Variants in NAV2 observed in about 807,000 individuals in gnomAD.
NAV2 encodes neuron navigator 2.
A neutral mutation model predicts 223.2 loss-of-function variants in NAV2; 54 were observed. The observed-to-expected ratio is 0.24, with a 90% CI of 0.19 to 0.30. NAV2 has a LOEUF of 0.30. NAV2 is among the 10% of genes least tolerant of loss of function. The probability of loss-of-function intolerance (pLI) is 1.00; values close to 1 mark genes in which losing one functional copy is unlikely to be tolerated. For synonymous variants in NAV2, 1,279 were observed against 1,239.3 expected (o/e 1.03, Z -0.67); for missense variants, 2,806 against 3,147.5 (o/e 0.89, Z 2.60).
rs1158404872 is a variant in NAV2, at chr11:19,469,921, C to T, written c.75+118894C>T. 5.9e-5 allele frequency among the ~76,000 whole-genome samples: 9 copies of T among 152,362 alleles called. No homozygotes were observed. The South Asian group carries it at 1.9e-3, about 32-fold the overall frequency. ...GAGGAAAGAATGCAAAATAAGGCAG[C>T]CACCTGTGCCTTTTCATTAACACTA... On this transcript the variant is annotated intron_variant, in intron 1 of 37. Coordinates refer to the NAV2 transcript ENST00000360655.
rs374668539 is a variant in NAV2, at chr11:19,875,161, C to T, written c.512-4708C>T. ...GACAAAGTGAGACTCTGTCTCAAAACGAACAAAACTAGATGCAAAAATCTA... is the reference window on the plus strand; with the variant it reads ...GACAAAGTGAGACTCTGTCTCAAAATGAACAAAACTAGATGCAAAAATCTA... On this transcript the variant is annotated intron_variant, in intron 4 of 37. Transcript: ENST00000349880. 2.2e-3 allele frequency among the ~76,000 whole-genome samples: 331 copies of T among 152,220 alleles called. 4 individuals are homozygous for T. Among genetic ancestry groups the T allele is most frequent in the African/African-American group, 7.4e-3 (308 of 41,532 alleles).
At chr11:19,829,537 C>G (rs1207667509) in intron 1 of NAV2, among the ~76,000 whole-genome samples, 1 of 152,186 alleles carries the variant, frequency 6.6e-6, no homozygotes, top group East Asian at 1.9e-4. Flanking sequence ...GAACACTTAG[C>G]ATGTGCCAGA....
intron 26 of NAV2, among the ~76,000 whole-genome samples, chr11:20,089,541 T>G (rs779072947): frequency 6.6e-6 from 1 of 151,948 alleles, no homozygotes; most frequent in Non-Finnish European, 1.5e-5. Context: ...CATTTATTTC[T>G]GCAGAGACCA....
At chr11:19,960,524 G>A (rs761039117) in intron 10 of NAV2, among the ~76,000 whole-genome samples, 61 of 151,962 alleles carry the variant, frequency 4.0e-4, no homozygotes, top group Non-Finnish European at 8.5e-4. Flanking sequence ...TGTGACTTTG[G>A]TGCTCTTGTT....
At chr11:20,026,532 G>A (rs983641316) in intron 11 of NAV2, among the ~76,000 whole-genome samples, 1 of 152,048 alleles carries the variant, frequency 6.6e-6, no homozygotes, top group African/African-American at 2.4e-5. Flanking sequence ...GGATGGTCTC[G>A]ATCTCCTGAC....
intron 6 of NAV2, among the ~76,000 whole-genome samples, chr11:19,903,613 G>A (rs1168600814): frequency 6.6e-6 from 1 of 151,862 alleles, no homozygotes; most frequent in Non-Finnish European, 1.5e-5. Flanking sequence ...TGTGGAGTGG[G>A]GAAGCTATAA....
intron 1 of NAV2, among the ~76,000 whole-genome samples, chr11:19,556,659 C>G (rs1220908241): frequency 6.6e-6 from 1 of 152,042 alleles, no homozygotes; most frequent in Non-Finnish European, 1.5e-5. Context: ...TTTTTAATAC[C>G]TTAAGTAACA....
rs375834538 is a variant in NAV2, at chr11:20,035,929, G to A, written c.2769-30G>A. ...CTGAGCTGGAACAGCCTGAGGTTTT[G>A]GTGCTCAGGATGTGTGTTTGTCTTG... On this transcript the variant is annotated intron_variant, in intron 11 of 37. Transcript: ENST00000349880. 388 of 1,613,604 alleles carry A rather than the reference G, an allele frequency of 2.4e-4. 3 individuals are homozygous for A. In the African/African-American group the frequency reaches 4.7e-3, roughly 20 times the overall value.
At chr11:19,790,635 T>C (rs2057451880) in intron 1 of NAV2, among the ~76,000 whole-genome samples, 1 of 152,170 alleles carries the variant, frequency 6.6e-6, no homozygotes, top group Non-Finnish European at 1.5e-5. Context: ...TCTGTAAGAG[T>C]AACTCTGGTT....
chr11:19,938,537 G>A (rs2046121408), intron 7 of NAV2, among the ~76,000 whole-genome samples: 1 of 152,200 alleles, frequency 6.6e-6, no homozygotes, highest in African/African-American at 2.4e-5. Flanking sequence ...GAAATATCCC[G>A]ATTTTTAAAT....
intron 1 of NAV2, among the ~76,000 whole-genome samples, chr11:19,393,590 C>A (rs1849327424): frequency 6.6e-6 from 1 of 152,202 alleles, no homozygotes; most frequent in African/African-American, 2.4e-5. Context: ...ACAAACAAAC[C>A]TTGACAAAAT....
intron 11 of NAV2, among the ~76,000 whole-genome samples, chr11:20,004,491 A>G (rs2153493029): frequency 6.6e-6 from 1 of 152,316 alleles, no homozygotes; most frequent in African/African-American, 2.4e-5. Context: ...TGGCCAGAGA[A>G]GCCTGGCTTC....
chr11:19,438,739 C>T lies in NAV2; in HGVS notation c.75+87712C>T, dbSNP rs140643147. On this transcript the variant is annotated intron_variant, in intron 1 of 37. Transcript: ENST00000360655. The stretch of plus-strand genomic sequence containing the variant: ...ATTATAAACGGTACAGATTAGTAGT[C>T]CAAAGGAGAGTTGCATAAGATGAGG... Among the ~76,000 whole-genome samples the T allele has an allele frequency of 5.3e-5, 8 of 152,232 alleles. No homozygotes were observed. In the East Asian group the frequency reaches 1.5e-3, roughly 29 times the overall value.
intron 1 of NAV2, among the ~76,000 whole-genome samples, chr11:19,586,634 T>TGGAGGTCCACTCCAGACCCTGTTTGCC (rs1565075931): frequency 2.0e-5 from 3 of 152,236 alleles, no homozygotes; most frequent in African/African-American, 7.2e-5. Flanking sequence ...TGGAGTTTGC[T>TGGAGGTCCACTCCAGACCCTGTTTGCC]GGAGGTCCAC....
chr11:20,000,921 G>A (rs985323206), intron 11 of NAV2, among the ~76,000 whole-genome samples: 5 of 152,070 alleles, frequency 3.3e-5, no homozygotes, highest in African/African-American at 4.8e-5. Flanking sequence ...GTTACCCAGC[G>A]CATCATCCCA....
At chr11:19,734,721 C>CAT (rs2052126065) in intron 1 of NAV2, among the ~76,000 whole-genome samples, 1 of 152,208 alleles carries the variant, frequency 6.6e-6, no homozygotes, top group South Asian at 2.1e-4. Flanking sequence ...TCCCAACAGA[C>CAT]ATACAATGGA....
chr11:19,757,850 G>T (rs1359902219), intron 1 of NAV2, among the ~76,000 whole-genome samples: 1 of 152,080 alleles, frequency 6.6e-6, no homozygotes, highest in African/African-American at 2.4e-5. Context: ...GAATTTATTT[G>T]CTGAAGATCA....
chr11:19,713,776 G>A lies in NAV2; in HGVS notation c.81G>A (p.Val27=). 6.2e-7 allele frequency: 1 copy of A among 1,612,780 alleles called. No homozygotes were observed. The highest frequency in any genetic ancestry group is 8.5e-7 in the Non-Finnish European group (1 of 1,179,690). Reference sequence around the variant, plus strand: ...ACAGCGCCGCGCCCATCCTGCACGTGCCCCCGGCCCGGGCGGGCCCCCAGC... The same window carrying A: ...ACAGCGCCGCGCCCATCCTGCACGTACCCCCGGCCCGGGCGGGCCCCCAGC... The part of the protein sequence containing the change: ...PVHSAAPILH[V]PPARAGPQPC... The change falls in exon 1 of 38, where the codon GTG becomes GTA. Residue 27 remains valine, a synonymous_variant. Transcript: ENST00000349880. The surrounding 1 kb of genome is among the most constrained non-coding windows in gnomAD (Gnocchi z 7.2).
At chr11:19,726,067 A>G (rs905639965) in intron 1 of NAV2, among the ~76,000 whole-genome samples, 2 of 152,192 alleles carry the variant, frequency 1.3e-5, no homozygotes, top group Non-Finnish European at 2.9e-5. Flanking sequence ...GGATTAGCAT[A>G]AGGGCAGACA....
Sources: gnomAD v4.1 joint callset for allele counts (sites outside exome capture counted in the v4.1 genomes callset) on GRCh38, gnomAD v4.1.1 for gene constraint, Gnocchi (gnomAD v3.1) non-coding constraint, MANE v1.5 for transcripts, NCBI Gene and HGNC (gene_info 2026-07-23, HGNC 2026-07-21) for gene names.